GRID2: variants seen among roughly 807,000 people sequenced by gnomAD.
GRID2 encodes the protein glutamate ionotropic receptor delta type subunit 2, also known as glutamate receptor ionotropic, delta-2.
Under a neutral mutation model 114.8 loss-of-function variants are expected in GRID2, and 33 were observed. The observed-to-expected ratio is 0.29, with a 90% CI of 0.22 to 0.38. The LOEUF (loss-of-function observed/expected upper bound fraction) is 0.38. GRID2 is among the 10% of genes least tolerant of loss of function. The probability of loss-of-function intolerance (pLI) is 1.00; values close to 1 mark genes in which losing one functional copy is unlikely to be tolerated. For missense variants in GRID2, 1,184 were observed against 1,257.7 expected (o/e 0.94, Z 0.89); for synonymous variants, 505 against 449.9 (o/e 1.12, Z -1.55).
At chr4:93,362,600 G>A (rs562640205) in intron 8 of GRID2, among the ~76,000 whole-genome samples, 2 of 152,110 alleles carry the variant, frequency 1.3e-5, no homozygotes, top group East Asian at 1.9e-4. Flanking sequence ...GTGCCTTAAA[G>A]CTTTTGTTCA....
chr4:93,772,052 T>C (rs773575030), intron 15 of GRID2, 24 bp from the exon 16 acceptor site: 1 of 1,492,470 alleles, frequency 6.7e-7, no homozygotes, highest in Non-Finnish European at 9.3e-7. Context: ...ATGAGAACCT[T>C]ATTTTCTTTT....
intron 8 of GRID2, among the ~76,000 whole-genome samples, chr4:93,283,519 A>G (rs905198659): frequency 6.6e-6 from 1 of 152,050 alleles, no homozygotes; most frequent in Admixed American, 6.6e-5. Context: ...TCTGAGAATG[A>G]AGCCTAGGAA....
chr4:92,955,903 T>C (rs1752373233), intron 2 of GRID2, among the ~76,000 whole-genome samples: 1 of 152,134 alleles, frequency 6.6e-6, no homozygotes, highest in African/African-American at 2.4e-5. Context: ...TTTTTCTCAG[T>C]AGAGATAGGA....
chr4:93,020,870 T>C (rs1723213199), intron 2 of GRID2, among the ~76,000 whole-genome samples: 1 of 151,862 alleles, frequency 6.6e-6, no homozygotes, highest in Admixed American at 6.6e-5. Flanking sequence ...CCGTCTCTAC[T>C]AAAAATACAA....
intron 1 of GRID2, among the ~76,000 whole-genome samples, chr4:92,345,365 G>A (rs1017365084): frequency 1.3e-5 from 2 of 152,182 alleles, no homozygotes; most frequent in Non-Finnish European, 2.9e-5. Flanking sequence ...TGGTCGATGG[G>A]CACTTAGATT....
At chr4:92,319,208 T>C (rs926352147) in intron 1 of GRID2, among the ~76,000 whole-genome samples, 1 of 152,204 alleles carries the variant, frequency 6.6e-6, no homozygotes, top group African/African-American at 2.4e-5. Context: ...ATATGCATGT[T>C]ATTCTTGGTT....
At chr4:92,995,734 G>A (rs1224564406) in intron 2 of GRID2, among the ~76,000 whole-genome samples, 1 of 152,122 alleles carries the variant, frequency 6.6e-6, no homozygotes, top group Non-Finnish European at 1.5e-5. Flanking sequence ...TATTGCTACA[G>A]TATGCCAAAA....
chr4:93,414,685 TTATATATA>T (rs34416042), intron 9 of GRID2, among the ~76,000 whole-genome samples: 11 of 140,518 alleles, frequency 7.8e-5, no homozygotes, highest in African/African-American at 2.4e-4. Flanking sequence ...ATCTGACATT[TTATATATA>T]TATATATATA....
intron 2 of GRID2, among the ~76,000 whole-genome samples, chr4:92,788,571 T>C (rs1459376243): frequency 6.6e-6 from 1 of 151,874 alleles, no homozygotes; most frequent in African/African-American, 2.4e-5. Flanking sequence ...ATGAAAGCAT[T>C]CTCATGGATC....
chr4:93,029,503 A>C (rs1724189746), intron 2 of GRID2, among the ~76,000 whole-genome samples: 1 of 152,144 alleles, frequency 6.6e-6, no homozygotes, highest in Non-Finnish European at 1.5e-5. Context: ...TTTTGGTAAT[A>C]TTAAACTGTG....
chr4:93,279,283 CT>C (rs1752399263), intron 8 of GRID2, among the ~76,000 whole-genome samples: 1 of 151,646 alleles, frequency 6.6e-6, no homozygotes. Context: ...TATTACTTCA[CT>C]TAGGCACACT....
At chr4:92,665,885 G>A (rs998537586) in intron 2 of GRID2, among the ~76,000 whole-genome samples, 3 of 151,282 alleles carry the variant, frequency 2.0e-5, no homozygotes, top group Non-Finnish European at 3.0e-5. Context: ...TGATTAAAAT[G>A]TGTCTCAGTG....
chr4:93,447,188 G>GAT (rs1722169801), intron 10 of GRID2, among the ~76,000 whole-genome samples: 2 of 151,788 alleles, frequency 1.3e-5, no homozygotes, highest in African/African-American at 4.8e-5. Flanking sequence ...GATAACAAAA[G>GAT]CACTACATGT....
intron 9 of GRID2, among the ~76,000 whole-genome samples, chr4:93,414,963 C>T (rs1430187117): frequency 6.6e-6 from 1 of 152,050 alleles, no homozygotes; most frequent in Non-Finnish European, 1.5e-5. Flanking sequence ...GTGTGGCTTT[C>T]TGCTACATTC....
chr4:93,209,324 C>A (rs987029376), intron 5 of GRID2, among the ~76,000 whole-genome samples: 4 of 152,064 alleles, frequency 2.6e-5, no homozygotes, highest in African/African-American at 9.7e-5. Context: ...CATTTAGCTC[C>A]CATTTATAAG....
intron 1 of GRID2, among the ~76,000 whole-genome samples, chr4:92,380,475 C>T: frequency 6.6e-6 from 1 of 151,824 alleles, no homozygotes; most frequent in East Asian, 1.9e-4. Context: ...AAATTTCTTT[C>T]CTCCCCCAAC....
intron 5 of GRID2, among the ~76,000 whole-genome samples, chr4:93,210,705 C>G (rs1475462942): frequency 6.6e-6 from 1 of 151,918 alleles, no homozygotes; most frequent in Non-Finnish European, 1.5e-5. Flanking sequence ...CCTGAATAGA[C>G]TAGCATGTAT....
intron 2 of GRID2, among the ~76,000 whole-genome samples, chr4:92,662,117 A>G (rs72662002): frequency 8.0e-4 from 121 of 151,192 alleles, no homozygotes; most frequent in Non-Finnish European, 1.2e-3. Flanking sequence ...ATCCTCACAC[A>G]GGTTTCCTTT....
At chr4:92,927,370 C>T (rs561739510) in intron 2 of GRID2, among the ~76,000 whole-genome samples, 2 of 151,684 alleles carry the variant, frequency 1.3e-5, no homozygotes, top group Non-Finnish European at 2.9e-5. Flanking sequence ...CTTCTTGGGA[C>T]AAAGAGAAAA....
Sources: gnomAD v4.1 joint callset for allele counts (sites outside exome capture counted in the v4.1 genomes callset) on GRCh38, gnomAD v4.1.1 for gene constraint, MANE v1.5 for transcripts, NCBI Gene and HGNC (gene_info 2026-07-23, HGNC 2026-07-21) for gene names.